Variants in VIT observed in about 807,000 individuals in gnomAD.
VIT encodes vitrin.
Under a neutral mutation model 78.0 loss-of-function variants are expected in VIT, and 99 were observed. That is an observed-to-expected ratio of 1.27 (90% confidence interval 1.08 to 1.50). VIT has a LOEUF of 1.50. Among genes scored for constraint, VIT ranks in the 40% most tolerant of loss-of-function variants. The pLI is 0.00. For synonymous variants in VIT, 374 were observed against 334.3 expected (o/e 1.12, Z -1.29); for missense variants, 1,126 against 875.3 (o/e 1.29, Z -3.61).
At chr2:36,737,389 T>A (rs1274954806) in intron 3 of VIT, among the ~76,000 whole-genome samples, 1 of 152,152 alleles carries the variant, frequency 6.6e-6, no homozygotes, top group East Asian at 1.9e-4. Context: ...GGGCGGGGAC[T>A]CCTGAGAGTT....
intron 15 of VIT, 45 bp downstream of exon 15, chr2:36,809,030 G>C (rs1215863472): frequency 6.6e-7 from 1 of 1,521,708 alleles, no homozygotes. Context: ...GCTGCTTTCT[G>C]GGGCTTGGTG....
At chr2:36,736,458 G>A (rs190713023) in intron 3 of VIT, among the ~76,000 whole-genome samples, 27 of 152,280 alleles carry the variant, frequency 1.8e-4, no homozygotes, top group Non-Finnish European at 2.8e-4. Flanking sequence ...CAAAGTGTCC[G>A]TGCTAGAGGG....
At chr2:36,756,993 T>G (rs1668804606) in intron 5 of VIT, among the ~76,000 whole-genome samples, 2 of 152,226 alleles carry the variant, frequency 1.3e-5, no homozygotes, top group South Asian at 4.1e-4. Context: ...CTCCCCTCAT[T>G]CGACCTAGTG....
chr2:36,806,174 C>A lies in VIT; in HGVS notation c.1389+510C>A, dbSNP rs937492372. 3.3e-5 allele frequency among the ~76,000 whole-genome samples: 5 copies of A among 152,158 alleles called. No individual in the cohort carries two copies. In the East Asian group the frequency reaches 9.6e-4, roughly 29 times the overall value. ...CAGCAGGAGATGTGGAGCAATGCCT[C>A]CCTCACTCACTCCACCAAAGCTGTT... On this transcript the variant is annotated intron_variant, in intron 14 of 15. Transcript: ENST00000379242.
intron 3 of VIT, among the ~76,000 whole-genome samples, chr2:36,735,733 T>C (rs2148499932): frequency 6.6e-6 from 1 of 152,308 alleles, no homozygotes; most frequent in East Asian, 1.9e-4. Context: ...ATTTGGCCAC[T>C]CCCACCTTCC....
At chr2:36,797,194 G>A (rs1186334878) in intron 12 of VIT, among the ~76,000 whole-genome samples, 1 of 151,842 alleles carries the variant, frequency 6.6e-6, no homozygotes, top group African/African-American at 2.4e-5. Context: ...ACAGTTTGGG[G>A]GCTCTCTTAA....
At chr2:36,812,584 C>T (rs192245386) in intron 15 of VIT, among the ~76,000 whole-genome samples, 88 of 152,242 alleles carry the variant, frequency 5.8e-4, no homozygotes, top group African/African-American at 2.0e-3. Context: ...CAATCCAACA[C>T]CTGCAGTCTT....
intron 14 of VIT, 111 bp from the exon 15 acceptor site, chr2:36,808,361 A>G: frequency 7.1e-7 from 1 of 1,402,594 alleles, no homozygotes; most frequent in Non-Finnish European, 9.5e-7. Context: ...GGGCTAGTGC[A>G]GAAAACAAGG....
intron 12 of VIT, 50 bp from the exon 13 acceptor site, chr2:36,801,251 A>C: frequency 6.7e-7 from 1 of 1,499,430 alleles, no homozygotes. Flanking sequence ...GCCTTCCTCC[A>C]AAGGTATTAA....
At chr2:36,748,147 A>G (rs772584441) in intron 4 of VIT, among the ~76,000 whole-genome samples, 2 of 152,052 alleles carry the variant, frequency 1.3e-5, no homozygotes, top group African/African-American at 4.8e-5. Flanking sequence ...GATTACCTTT[A>G]AGACGTTTTT....
At chr2:36,814,114 A>G in intron 15 of VIT, 69 bp from the exon 16 acceptor site, 18 of 1,563,892 alleles carry the variant, frequency 1.2e-5, no homozygotes, top group Non-Finnish European at 1.6e-5. Flanking sequence ...CAGGGCCACA[A>G]GAAGAGAGAG....
chr2:36,707,684 G>C (rs1178825223), intron 1 of VIT, among the ~76,000 whole-genome samples: 1 of 152,152 alleles, frequency 6.6e-6, no homozygotes, highest in Non-Finnish European at 1.5e-5. Flanking sequence ...AGGAGGAAGG[G>C]GAAAACGATG....
chr2:36,704,485 G>T (rs1173196942), intron 1 of VIT, among the ~76,000 whole-genome samples: 1 of 152,210 alleles, frequency 6.6e-6, no homozygotes, highest in Non-Finnish European at 1.5e-5. Flanking sequence ...GGCCAAAATA[G>T]TCAGGGGGCC....
chr2:36,769,608 G>A (rs569174145), intron 7 of VIT, among the ~76,000 whole-genome samples: 1 of 152,254 alleles, frequency 6.6e-6, no homozygotes, highest in African/African-American at 2.4e-5. Context: ...CCTATTCAAA[G>A]GAGTTTCTGA....
At chr2:36,747,069 C>A (rs1432126691) in intron 4 of VIT, among the ~76,000 whole-genome samples, 1 of 152,116 alleles carries the variant, frequency 6.6e-6, no homozygotes, top group Admixed American at 6.5e-5. Flanking sequence ...AAAAGTCATT[C>A]AGGAGTAGGT....
intron 4 of VIT, among the ~76,000 whole-genome samples, chr2:36,746,843 T>A (rs1400110995): frequency 1.3e-5 from 2 of 152,110 alleles, no homozygotes. Context: ...TCCCACTGGC[T>A]TTTATGTTAG....
chr2:36,811,125 T>A (rs1253830070), intron 15 of VIT, among the ~76,000 whole-genome samples: 1 of 152,140 alleles, frequency 6.6e-6, no homozygotes, highest in African/African-American at 2.4e-5. Flanking sequence ...GGCACCCTCA[T>A]AATGGTGGGA....
At position 36,794,267 on chromosome 2, in the gene VIT, T is replaced by C. The variant is rs192891067; in HGVS notation, c.1058+6991T>C. On this transcript the variant is annotated intron_variant, in intron 12 of 15. Coordinates refer to ENST00000379242, the MANE Select transcript of VIT (RefSeq NM_053276.4). ...AACACAGAACAATCTAAATTTTCTC[T>C]TTGAGCTAACAACCTCTATGTTTTC... Among the ~76,000 whole-genome samples, 14 of 152,348 alleles carry C rather than the reference T, an allele frequency of 9.2e-5. No homozygotes were observed. The East Asian group carries it at 2.7e-3, about 29-fold the overall frequency.
In VIT at chr2:36,773,802, A is replaced by G; in HGVS notation, c.691A>G (p.Thr231Ala). The change falls in exon 8 of 16, where the codon ACT becomes GCT. Residue 231 changes from threonine (T) to alanine (A), a missense_variant. Thr to Ala is a moderately conservative substitution (Grantham distance 58). Transcript: ENST00000379242. ...AAATGTCCTTACAGATCTCTGGTCC[A>G]CTGCCACCTACACAAGCAGCCAAAA... ...HRSQEMDLWS[T>A]ATYTSSQNRP... 1 of 1,602,416 alleles carries G rather than the reference A, an allele frequency of 6.2e-7. No homozygotes were observed. The highest frequency in any genetic ancestry group is 8.5e-7 in the Non-Finnish European group (1 of 1,173,032).
Sources: gnomAD v4.1 joint callset for allele counts (sites outside exome capture counted in the v4.1 genomes callset) on GRCh38, gnomAD v4.1.1 for gene constraint, MANE v1.5 for transcripts, NCBI Gene and HGNC (gene_info 2026-07-23, HGNC 2026-07-21) for gene names.